Variants in SPTBN4 observed in about 807,000 individuals in gnomAD.
The protein encoded by SPTBN4 is spectrin beta chain, non-erythrocytic 4.
SPTBN4 carries 96 observed loss-of-function variants against 277.8 expected under a neutral mutation model. That is an observed-to-expected ratio of 0.35 (90% CI 0.29 to 0.41). The LOEUF (loss-of-function observed/expected upper bound fraction) is 0.41. Among genes scored for constraint, SPTBN4 ranks in the 10% least tolerant of loss-of-function variants. SPTBN4 has a pLI of 1.00. For missense variants in SPTBN4, 3,006 were observed against 3,595.7 expected (o/e 0.84, Z 4.19); for synonymous variants, 1,481 against 1,580.3 (o/e 0.94, Z 1.49).
Position 40,532,690 on chromosome 19 carries a change from G to A in SPTBN4, c.4014G>A (p.Lys1338=). ...ARDGTREDNH[K]LHKRWLRHQA... is the part of the protein sequence containing the mutation. ...ATGGCACGCGGGAGGACAACCACAA[G>A]CTGCATAAGAGATGGCTCCGGCACC... The change falls in exon 19 of 36, where the codon AAG becomes AAA. Residue 1338 remains lysine (K), a synonymous_variant. Coordinates refer to ENST00000598249, the MANE Select transcript of SPTBN4 (RefSeq NM_020971.3). The A allele has an allele frequency of 6.2e-7, 1 of 1,613,628 alleles. No individual in the cohort carries two copies. Among genetic ancestry groups the A allele is most frequent in the Non-Finnish European group, 8.5e-7 (1 of 1,179,716 alleles).
rs373391376 is a variant in SPTBN4 at position 40,510,583 on chromosome 19, G to A, written c.1817-2023G>A. 6.6e-5 allele frequency among the ~76,000 whole-genome samples: 10 copies of A among 152,268 alleles called. No individual in the cohort carries two copies. In the East Asian group the frequency reaches 1.2e-3, roughly 18 times the overall value. Reference sequence around the variant, plus strand: ...GCCTCCCAAAGTTAGGATTACAGGTGTAAGCCACTGCGCCTAGCAAGAAGC... The same window carrying A: ...GCCTCCCAAAGTTAGGATTACAGGTATAAGCCACTGCGCCTAGCAAGAAGC... On this transcript the variant is annotated intron_variant, in intron 13 of 35. Coordinates refer to ENST00000598249, the MANE Select transcript of SPTBN4 (RefSeq NM_020971.3).
intron 16 of SPTBN4, among the ~76,000 whole-genome samples, chr19:40,522,230 G>A (rs760153390): frequency 5.3e-5 from 8 of 151,834 alleles, no homozygotes; most frequent in Non-Finnish European, 1.2e-4. Context: ...ATTTCACCAT[G>A]TTGCCCAGGC....
intron 1 of SPTBN4, among the ~76,000 whole-genome samples, chr19:40,468,591 G>C (rs986797754): frequency 2.0e-5 from 3 of 152,162 alleles, no homozygotes; most frequent in African/African-American, 7.2e-5. Flanking sequence ...TGTTGGCCAG[G>C]CCGGTCTCGA....
At chr19:40,568,349 A>G in intron 31 of SPTBN4, 67 bp downstream of exon 31, 1 of 1,477,838 alleles carries the variant, frequency 6.8e-7, no homozygotes, top group Non-Finnish European at 9.0e-7. Context: ...AGAACCCCTC[A>G]GGCCCAGTGA....
At chr19:40,559,190 A>G (rs987776700) in intron 26 of SPTBN4, among the ~76,000 whole-genome samples, 2 of 151,702 alleles carry the variant, frequency 1.3e-5, no homozygotes, top group African/African-American at 4.8e-5. Context: ...TTGGCCTCCC[A>G]AAGTGCTGGG....
Position 40,490,685 on chromosome 19 carries a change from AG to A in SPTBN4, c.495+438del, listed in dbSNP as rs201624096. Among the ~76,000 whole-genome samples the A allele has an allele frequency of 0.012, 1,887 of 152,308 alleles. 18 individuals carry two copies. The highest frequency in any genetic ancestry group is 0.018 in the Non-Finnish European group (1,254 of 68,024). ...TTAGGAGCTTACATTGTGGTGAGGA[AG>A]ACAGATAATAAATACATAAATATGT... On this transcript the variant is annotated intron_variant, in intron 4 of 35. Coordinates refer to ENST00000598249, the MANE Select transcript of SPTBN4 (RefSeq NM_020971.3). This position sits in a 1 kb window ranked among gnomAD's most constrained non-coding sequence, Gnocchi z 4.3.
In SPTBN4 at chr19:40,502,756, C is replaced by G. The variant is rs529442079; in HGVS notation, c.1204-19C>G. Reference sequence around the variant, plus strand: ...TGGGGAGCTGTCAGAGTCTGAGTGCCTCCTCCCATCTCCTGCAGGCATGGG... The same window carrying G: ...TGGGGAGCTGTCAGAGTCTGAGTGCGTCCTCCCATCTCCTGCAGGCATGGG... On this transcript the variant is annotated intron_variant, in intron 10 of 35. Coordinates refer to ENST00000598249, the MANE Select transcript of SPTBN4 (RefSeq NM_020971.3). This position sits in a 1 kb window ranked among gnomAD's most constrained non-coding sequence, Gnocchi z 4.9. The G allele has an allele frequency of 8.7e-6, 14 of 1,611,814 alleles. No homozygotes were observed. The highest frequency in any genetic ancestry group is 2.2e-5 in the South Asian group (2 of 90,778).
At chr19:40,549,532 A>T in intron 21 of SPTBN4, 119 bp downstream of exon 21, 1 of 757,774 alleles carries the variant, frequency 1.3e-6, no homozygotes. Flanking sequence ...ACGCTGAAAG[A>T]CGCATTCAGC....
intron 21 of SPTBN4, among the ~76,000 whole-genome samples, chr19:40,549,627 C>G (rs900749808): frequency 2.0e-5 from 3 of 152,228 alleles, no homozygotes; most frequent in Admixed American, 2.0e-4. Flanking sequence ...TTTATTTATT[C>G]ACTCATCCAT....
chr19:40,475,449 T>C (rs1568754444), intron 2 of SPTBN4, among the ~76,000 whole-genome samples: 1 of 149,606 alleles, frequency 6.7e-6, no homozygotes, highest in South Asian at 2.1e-4. Flanking sequence ...ACTAAGATTT[T>C]TGGAACTTTA....
intron 3 of SPTBN4, among the ~76,000 whole-genome samples, chr19:40,488,863 A>C (rs112449686): frequency 1.3e-5 from 2 of 151,348 alleles, no homozygotes; most frequent in Admixed American, 6.6e-5. Context: ...AGGCGTCACT[A>C]TGTTGCCCAG....
intron 2 of SPTBN4, among the ~76,000 whole-genome samples, chr19:40,480,102 T>G (rs972692367): frequency 6.6e-6 from 1 of 151,666 alleles, no homozygotes; most frequent in South Asian, 2.1e-4. Flanking sequence ...ATACAGAAAA[T>G]TAGCTGGGCG....
chr19:40,519,361 G>T lies in SPTBN4; in HGVS notation c.2904-40G>T, dbSNP rs1212451038. On this transcript the variant is annotated intron_variant, in intron 15 of 35. Transcript: ENST00000598249. This position sits in a 1 kb window ranked among gnomAD's most constrained non-coding sequence, Gnocchi z 5.7. ...GGCGGGCCCTCCGCGCCCAAGAGGA[G>T]TCCCTGTCCTCCTCAAGTCACTCTC... 1 of 1,469,630 alleles carries T rather than the reference G, an allele frequency of 6.8e-7. No individual in the cohort carries two copies. Among genetic ancestry groups the T allele is most frequent in the South Asian group, 1.4e-5 (1 of 71,284 alleles). The allele number at this position is 1,469,630 out of a possible 1,614,324, so 91.0% of individuals were successfully genotyped here.
At chr19:40,565,632 C>G (rs1209827798) in intron 28 of SPTBN4, 29 bp from the exon 29 acceptor site, 1 of 1,558,090 alleles carries the variant, frequency 6.4e-7, no homozygotes, top group Admixed American at 1.9e-5. Context: ...CACACCCTGA[C>G]TTCCCTCCCA....
intron 2 of SPTBN4, among the ~76,000 whole-genome samples, chr19:40,484,856 C>T (rs1459028873): frequency 4.0e-5 from 6 of 151,498 alleles, no homozygotes; most frequent in Middle Eastern, 3.4e-3. Context: ...GGCGTGAACC[C>T]GGGAGGCAAA....
rs150786077 is a variant in SPTBN4 at position 40,499,138 on chromosome 19, C to T, written c.784+1534C>T. On this transcript the variant is annotated intron_variant, in intron 7 of 35. Coordinates refer to ENST00000598249, the MANE Select transcript of SPTBN4 (RefSeq NM_020971.3). Reference sequence around the variant, plus strand: ...CCGCCTCCCGGGTTCAAGTGATTCTCCTGCCTCAGCTTCCCAAGTAACTGG... The same window carrying T: ...CCGCCTCCCGGGTTCAAGTGATTCTTCTGCCTCAGCTTCCCAAGTAACTGG... Among the ~76,000 whole-genome samples the T allele has an allele frequency of 5.9e-3, 891 of 152,096 alleles. 12 individuals carry two copies. The highest frequency in any genetic ancestry group is 0.02 in the African/African-American group (839 of 41,494).
At chr19:40,494,687 C>T (rs1206101697) in intron 5 of SPTBN4, among the ~76,000 whole-genome samples, 2 of 151,876 alleles carry the variant, frequency 1.3e-5, no homozygotes, top group African/African-American at 4.8e-5. Context: ...TCTCTCTACT[C>T]ACCATCTATC....
chr19:40,511,590 G>A (rs1002761198), intron 13 of SPTBN4, among the ~76,000 whole-genome samples: 1 of 152,154 alleles, frequency 6.6e-6, no homozygotes, highest in African/African-American at 2.4e-5. Context: ...CAGGAGGAAG[G>A]TGAACTATTT....
At chr19:40,526,167 CTT>C (rs1168105162) in intron 17 of SPTBN4, among the ~76,000 whole-genome samples, 21 of 93,152 alleles carry the variant, frequency 2.3e-4, no homozygotes, top group African/African-American at 5.7e-4. Context: ...AGGTGCTGTT[CTT>C]TTTTTTTTTT....
Sources: allele counts gnomAD v4.1 joint callset (sites outside exome capture counted in the v4.1 genomes callset), GRCh38; gene constraint gnomAD v4.1.1; non-coding constraint Gnocchi (gnomAD v3.1); transcripts MANE v1.5; gene names NCBI Gene and HGNC (gene_info 2026-07-23, HGNC 2026-07-21).